The following CHD8 variants were observed in gnomAD, a reference collection of about 807,000 sequenced individuals.
CHD8 encodes ATP-dependent chromatin remodeler CHD8.
In CHD8, 31 loss-of-function variants were observed where a neutral mutation model predicts 279.2. The observed-to-expected ratio is 0.11, with a 90% CI of 0.08 to 0.15. The LOEUF (loss-of-function observed/expected upper bound fraction) is 0.15, where lower values mean the gene tolerates loss of function less well. Among genes scored for constraint, CHD8 ranks in the 10% least tolerant of loss-of-function variants. CHD8 has a pLI of 1.00. For synonymous variants in CHD8, 1,081 were observed against 1,139.6 expected, an observed-to-expected ratio of 0.95 and a Z score of 1.04; for missense variants, 2,146 against 3,230.5, an observed-to-expected ratio of 0.66 and a Z score of 8.14.
intron 1 of CHD8, among the ~76,000 whole-genome samples, chr14:21,434,504 T>TA (rs1261069298): frequency 6.6e-6 from 1 of 152,044 alleles, no homozygotes; most frequent in Non-Finnish European, 1.5e-5. Flanking sequence ...TTTTTTTTTT[T>TA]AAATAGGAGA....
chr14:21,386,801 T>C (rs1310918359), intron 37 of CHD8, among the ~76,000 whole-genome samples: 2 of 150,014 alleles, frequency 1.3e-5, no homozygotes, highest in African/African-American at 2.5e-5. Context: ...ATCGCGCCAC[T>C]GCACTCCAGC....
At chr14:21,401,675 C>T (rs1044090105) in intron 20 of CHD8, 162 bp from the exon 21 acceptor site, 5 of 588,292 alleles carry the variant, frequency 8.5e-6, no homozygotes, top group South Asian at 6.9e-5. Context: ...ACCTCCACCC[C>T]CTGGGTTCAA....
chr14:21,437,572 A>G (rs1324869193), intron 1 of CHD8, among the ~76,000 whole-genome samples: 1 of 152,078 alleles, frequency 6.6e-6, no homozygotes, highest in Non-Finnish European at 1.5e-5. Context: ...AAGAGTATAA[A>G]CTTGGGAGGG....
Position 21,431,529 on chromosome 14 carries a change from G to T in CHD8, c.115C>A (p.Leu39Met). ...TCCAAGGAGTCCAGAGAGCTTGGCA[G>T]TCCAAGGGCTTCCTCAATGGGGTCT... is the stretch of plus-strand genomic sequence containing the variant. The part of the protein sequence containing the change: ...TQDPIEEALG[L>M]PSSLDSLDQM... The change falls in exon 2 of 38, where the codon CTG becomes ATG. Residue 39 changes from leucine to methionine, a missense_variant. Physicochemically the swap from Leu to Met is conservative, Grantham distance 15. Coordinates refer to ENST00000646647, the MANE Select transcript of CHD8 (RefSeq NM_001170629.2). The T allele has an allele frequency of 6.5e-7, 1 of 1,537,182 alleles. No homozygotes were observed. Among genetic ancestry groups the T allele is most frequent in the Non-Finnish European group, 8.7e-7 (1 of 1,146,860 alleles).
At chr14:21,436,919 T>A (rs564210962) in intron 1 of CHD8, 1 of 1,282,518 alleles carries the variant, frequency 7.8e-7, no homozygotes, top group African/African-American at 1.6e-5. Flanking sequence ...ACTGCCGGGG[T>A]TGGTGCCAGT....
At chr14:21,434,682 G>C (rs972738822) in intron 1 of CHD8, among the ~76,000 whole-genome samples, 6 of 152,054 alleles carry the variant, frequency 3.9e-5, no homozygotes, top group African/African-American at 1.4e-4. Flanking sequence ...TTGCCACCAA[G>C]TATCATTACT....
chr14:21,386,242 AAC>A (rs775198384), intron 37 of CHD8, 66 bp from the exon 38 acceptor site: 38 of 1,425,272 alleles, frequency 2.7e-5, no homozygotes, highest in Admixed American at 9.3e-5. Flanking sequence ...AACCAAAGCC[AAC>A]AGAGTCCTAG....
In CHD8 at chr14:21,409,911, A is replaced by T; in HGVS notation, c.2304T>A (p.Asp768Glu). The change falls in exon 11 of 38, where the codon GAT (aspartate) becomes GAA (glutamate). Residue 768 changes from aspartate to glutamate, a missense_variant. This residue lies in a region of CHD8 where 211 missense variants were observed against 464.7 expected (regional missense o/e 0.45). Coordinates refer to ENST00000646647, the MANE Select transcript of CHD8 (RefSeq NM_001170629.2). ...GTTTAAATTCTCGAATCTTGCCCTC[A>T]TCAACATCTTCTTTTAGCTCCCATG... is the stretch of plus-strand genomic sequence containing the variant. The part of the protein sequence containing the change: ...DSTWELKEDV[D>E]EGKIREFKRI... 1 of 1,613,838 alleles carries T rather than the reference A, an allele frequency of 6.2e-7. No homozygotes were observed. The highest frequency in any genetic ancestry group is 8.5e-7 in the Non-Finnish European group (1 of 1,179,790).
At chr14:21,445,976 G>C (rs1407308323) in intron 1 of CHD8, among the ~76,000 whole-genome samples, 2 of 152,012 alleles carry the variant, frequency 1.3e-5, no homozygotes, top group African/African-American at 4.8e-5. Flanking sequence ...CTCCAGCCTG[G>C]CGACAGAGCG....
Position 21,402,136 on chromosome 14 carries a change from T to A in CHD8, c.3883A>T (p.Ile1295Phe). ...MSGRDGNITG[I>F]QQFSKKEIED... ...ATCTCCTTCTTAGAGAACTGTTGGATCTGTAAAAACCAATAGAAAGATGAA... is the reference window on the plus strand; with the variant it reads ...ATCTCCTTCTTAGAGAACTGTTGGAACTGTAAAAACCAATAGAAAGATGAA... The change falls in exon 20 of 38, where the codon ATC becomes TTC. Residue 1295 changes from isoleucine to phenylalanine, a missense_variant and splice_region_variant. Transcript: ENST00000646647. This position sits in a 1 kb window ranked among gnomAD's most constrained non-coding sequence, Gnocchi z 4.5. 6.3e-7 allele frequency: 1 copy of A among 1,598,862 alleles called. No individual in the cohort carries two copies. Among genetic ancestry groups the A allele is most frequent in the Non-Finnish European group, 8.5e-7 (1 of 1,174,890 alleles).
rs1355938947 is a variant in CHD8 at position 21,399,674 on chromosome 14, G to T, written c.4849C>A (p.Gln1617Lys). ...CACCAAGTTGTTGGAACCTCCAGTT[G>T]ATCCACTACTGGGAACCATATGTCA... ...EIDIWFPVVD[Q>K]LEVPTTWWDS... Residue 1617 changes from glutamine (Q) to lysine (K), a missense_variant, in exon 26 of 38, where the codon CAA becomes AAA. This residue lies in a region of CHD8 where 33 missense variants were observed against 34.8 expected (regional missense o/e 0.95). Coordinates refer to ENST00000646647, the MANE Select transcript of CHD8 (RefSeq NM_001170629.2). 6.2e-7 allele frequency: 1 copy of T among 1,613,346 alleles called. No homozygotes were observed. Among genetic ancestry groups the T allele is most frequent in the Non-Finnish European group, 8.5e-7 (1 of 1,179,442 alleles).
rs1381232329 is a variant in CHD8 at position 21,415,767 on chromosome 14, T to C, written c.1857A>G (p.Gln619=). The C allele has an allele frequency of 6.2e-7, 1 of 1,613,946 alleles. No individual in the cohort carries two copies. The highest frequency in any genetic ancestry group is 1.1e-5 in the South Asian group (1 of 91,080). ...KPEPILPEPV[Q]EPDGETLPSM... is the part of the protein sequence containing the mutation. Reference sequence around the variant, plus strand: ...AAGGCAAAGTCTCGCCATCTGGTTCTTGCACTGGTTCAGGGAGGATAGGCT... The same window carrying C: ...AAGGCAAAGTCTCGCCATCTGGTTCCTGCACTGGTTCAGGGAGGATAGGCT... The change falls in exon 6 of 38, where the codon CAA becomes CAG. Residue 619 remains glutamine (Q), a synonymous_variant. Coordinates refer to ENST00000646647, the MANE Select transcript of CHD8 (RefSeq NM_001170629.2).
intron 37 of CHD8, among the ~76,000 whole-genome samples, chr14:21,386,709 C>T (rs1380588736): frequency 2.0e-5 from 3 of 151,924 alleles, no homozygotes; most frequent in Non-Finnish European, 4.4e-5. Context: ...AGGTGGCGGG[C>T]GCCTGTAGTC....
chr14:21,385,355 G>A lies in CHD8; in HGVS notation c.*258C>T. 2 of 531,104 alleles carry A rather than the reference G, an allele frequency of 3.8e-6. No homozygotes were observed. The highest frequency in any genetic ancestry group is 2.7e-5 in the South Asian group (1 of 36,906). The allele number at this position is 531,104 out of a possible 1,614,324, so 32.9% of individuals were successfully genotyped here. A position where few individuals can be genotyped will look rare whatever the true frequency, so the allele number is the denominator to read the frequency against. On this transcript the variant is annotated 3_prime_UTR_variant, in exon 38 of 38. Coordinates refer to ENST00000646647, the MANE Select transcript of CHD8 (RefSeq NM_001170629.2). ...AATGGAGGTGACTAGGGAGGGGTGA[G>A]CACACCAGCTGCTCTAGTCTCCTTT... is the stretch of plus-strand genomic sequence containing the variant.
chr14:21,386,812 C>A (rs2139430716), intron 37 of CHD8, among the ~76,000 whole-genome samples: 1 of 150,482 alleles, frequency 6.6e-6, no homozygotes, highest in African/African-American at 2.5e-5. Flanking sequence ...GCACTCCAGC[C>A]TGAGCGACAG....
intron 1 of CHD8, among the ~76,000 whole-genome samples, chr14:21,449,784 G>T (rs902671102): frequency 3.9e-5 from 6 of 152,170 alleles, no homozygotes; most frequent in Non-Finnish European, 1.5e-5. Context: ...TGACTAGACT[G>T]TCCCTTGGTA....
chr14:21,400,850 C>T lies in CHD8; in HGVS notation c.4370+25G>A, dbSNP rs1485433133. The T allele has an allele frequency of 6.3e-7, 1 of 1,581,010 alleles. No individual in the cohort carries two copies. The highest frequency in any genetic ancestry group is 1.8e-5 in the Admixed American group (1 of 54,690). ...AGGATGGAGATGCACTATGCACTACCTCTAATGGTAAGTTGGGGTCTTACC... is the reference window on the plus strand; with the variant it reads ...AGGATGGAGATGCACTATGCACTACTTCTAATGGTAAGTTGGGGTCTTACC... On this transcript the variant is annotated intron_variant, in intron 22 of 37. Transcript: ENST00000646647. This position sits in a 1 kb window ranked among gnomAD's most constrained non-coding sequence, Gnocchi z 4.2.
chr14:21,390,493 C>T (rs1887476779), intron 37 of CHD8, among the ~76,000 whole-genome samples: 1 of 152,138 alleles, frequency 6.6e-6, no homozygotes, highest in Non-Finnish European at 1.5e-5. Context: ...TAAAAATACT[C>T]TGGGCCAGGT....
chr14:21,415,922 GTAGT>G lies in CHD8; in HGVS notation c.1717-19_1717-16del. 1.2e-6 allele frequency: 2 copies of G among 1,605,074 alleles called. No homozygotes were observed. The highest frequency in any genetic ancestry group is 8.5e-7 in the Non-Finnish European group (1 of 1,176,020). ...GAGCGTCTCTTCTGTAGAGCAAAAA[GTAGT>G]TAGAGTGACTAGTTAGGTCTCTCAC... On this transcript the variant is annotated splice_polypyrimidine_tract_variant and intron_variant, in intron 5 of 37. Coordinates refer to ENST00000646647, the MANE Select transcript of CHD8 (RefSeq NM_001170629.2).
Sources: allele counts gnomAD v4.1 joint callset (sites outside exome capture counted in the v4.1 genomes callset), GRCh38; gene constraint gnomAD v4.1.1; regional missense constraint gnomAD v4.1.1; non-coding constraint Gnocchi (gnomAD v3.1); transcripts MANE v1.5; gene names NCBI Gene and HGNC (gene_info 2026-07-23, HGNC 2026-07-21).